The following LRP1B variants were observed in gnomAD, a reference collection of about 807,000 sequenced individuals.
LRP1B encodes LDL receptor related protein 1B, also known as low-density lipoprotein receptor-related protein 1B.
A neutral mutation model predicts 556.6 loss-of-function variants in LRP1B; 217 were observed. The ratio of observed to expected loss-of-function variants is 0.39; its 90% CI spans 0.35 to 0.44. LRP1B has a LOEUF of 0.44. Among genes scored for constraint, LRP1B ranks in the 20% least tolerant of loss-of-function variants. The probability of loss-of-function intolerance (pLI) is 1.00; values close to 1 mark genes in which losing one functional copy is unlikely to be tolerated. For missense variants in LRP1B, 5,053 were observed against 5,620.8 expected (o/e 0.90, Z 3.23); for synonymous variants, 2,047 against 1,865.8 (o/e 1.10, Z -2.50).
At chr2:140,457,790 A>G in intron 60 of LRP1B, 139 bp from the exon 61 acceptor site, 1 of 641,724 alleles carries the variant, frequency 1.6e-6, no homozygotes, top group South Asian at 2.4e-5. Context: ...CAGGCCAGCA[A>G]AGTTCTTTAT....
At chr2:141,772,731 A>G (rs990992431) in intron 2 of LRP1B, among the ~76,000 whole-genome samples, 3 of 152,202 alleles carry the variant, frequency 2.0e-5, no homozygotes, top group African/African-American at 7.2e-5. Context: ...TTCAGAGCAG[A>G]GTGATAAGAT....
chr2:141,508,319 C>T (rs963584150), intron 2 of LRP1B, among the ~76,000 whole-genome samples: 1 of 152,078 alleles, frequency 6.6e-6, no homozygotes. Context: ...GCTGTATGTT[C>T]ATCAGAAGGG....
At chr2:141,771,906 C>T (rs1694912454) in intron 2 of LRP1B, among the ~76,000 whole-genome samples, 1 of 152,052 alleles carries the variant, frequency 6.6e-6, no homozygotes, top group Non-Finnish European at 1.5e-5. Context: ...GTAATCTCTG[C>T]CTTCCTATTT....
At chr2:141,047,748 CA>C in intron 11 of LRP1B, among the ~76,000 whole-genome samples, 1 of 152,202 alleles carries the variant, frequency 6.6e-6, no homozygotes, top group East Asian at 1.9e-4. Flanking sequence ...GAACCTCCAG[CA>C]GCTTTCCATT....
chr2:140,285,623 G>T (rs1270320159), intron 84 of LRP1B, among the ~76,000 whole-genome samples: 1 of 151,592 alleles, frequency 6.6e-6, no homozygotes, highest in African/African-American at 2.4e-5. Flanking sequence ...GTAATAATCA[G>T]GTTCCCTCTG....
intron 6 of LRP1B, among the ~76,000 whole-genome samples, chr2:141,221,316 G>A (rs1470498063): frequency 1.3e-5 from 2 of 149,098 alleles, no homozygotes; most frequent in Non-Finnish European, 3.0e-5. Flanking sequence ...AAACCAAAGG[G>A]CATTACATAA....
At chr2:140,404,309 A>G (rs1383054343) in intron 66 of LRP1B, among the ~76,000 whole-genome samples, 3 of 149,974 alleles carry the variant, frequency 2.0e-5, no homozygotes, top group African/African-American at 7.4e-5. Context: ...CGAGTAGCTG[A>G]GACTTCAGGT....
At chr2:140,812,240 T>C (rs1391454341) in intron 32 of LRP1B, among the ~76,000 whole-genome samples, 1 of 152,092 alleles carries the variant, frequency 6.6e-6, no homozygotes, top group African/African-American at 2.4e-5. Flanking sequence ...AACTCTACTT[T>C]TCAAAAAGTA....
intron 3 of LRP1B, among the ~76,000 whole-genome samples, chr2:141,272,801 G>A (rs1685135911): frequency 6.6e-6 from 1 of 152,010 alleles, no homozygotes; most frequent in Non-Finnish European, 1.5e-5. Context: ...CAAAAAAATA[G>A]ACTCACAAAA....
intron 83 of LRP1B, among the ~76,000 whole-genome samples, chr2:140,304,351 C>G (rs1040468459): frequency 6.6e-6 from 1 of 152,144 alleles, no homozygotes; most frequent in South Asian, 2.1e-4. Flanking sequence ...GATCACCATT[C>G]TAACTAGTGT....
intron 1 of LRP1B, among the ~76,000 whole-genome samples, chr2:142,050,198 T>C (rs1704406911): frequency 6.6e-6 from 1 of 152,170 alleles, no homozygotes; most frequent in Non-Finnish European, 1.5e-5. Flanking sequence ...ATTTCATATA[T>C]AGTCATATGC....
At chr2:141,377,889 T>C (rs2104880601) in intron 3 of LRP1B, among the ~76,000 whole-genome samples, 1 of 152,298 alleles carries the variant, frequency 6.6e-6, no homozygotes, top group South Asian at 2.1e-4. Flanking sequence ...TATCACTAAA[T>C]GCCTCCTATA....
At chr2:140,399,101 A>G (rs1684381058) in intron 66 of LRP1B, among the ~76,000 whole-genome samples, 1 of 151,872 alleles carries the variant, frequency 6.6e-6, no homozygotes, top group Non-Finnish European at 1.5e-5. Flanking sequence ...TAACATTTCT[A>G]TTTGATCTTT....
At position 140,541,094 on chromosome 2, in the gene LRP1B, T is replaced by G. The variant is rs1680117504; in HGVS notation, c.7392A>C (p.Glu2464Asp). 6.2e-7 allele frequency: 1 copy of G among 1,608,054 alleles called. No individual in the cohort carries two copies. The highest frequency in any genetic ancestry group is 1.3e-5 in the African/African-American group (1 of 74,674). Residue 2464 changes from glutamate (E) to aspartate (D), a missense_variant, in exon 45 of 91, where the codon GAA (glutamate) becomes GAC (aspartate). Glu to Asp is a conservative substitution (Grantham distance 45). Coordinates refer to ENST00000389484, the MANE Select transcript of LRP1B (RefSeq NM_018557.3). ...CATTCAATAATGCACATGGAGAAAG[T>G]TCACCTACAATAAAGAGGGTGTATT... ...IAVANDTNSC[E>D]LSPCALLNGG...
At chr2:141,032,729 T>A (rs72975064) in intron 11 of LRP1B, among the ~76,000 whole-genome samples, 7,425 of 151,326 alleles carry the variant, frequency 0.049, 225 homozygotes, top group Middle Eastern at 0.071. Flanking sequence ...GCTTAGATTA[T>A]CTTTCATGTT....
intron 2 of LRP1B, among the ~76,000 whole-genome samples, chr2:141,639,745 G>A (rs549633630): frequency 5.9e-5 from 9 of 151,952 alleles, no homozygotes; most frequent in Non-Finnish European, 1.2e-4. Context: ...TTACAGTGAG[G>A]CATCCTCTTC....
chr2:140,245,276 A>T lies in LRP1B; in HGVS notation c.13324+1810T>A, dbSNP rs999487791. 2.0e-5 allele frequency among the ~76,000 whole-genome samples: 3 copies of T among 151,320 alleles called. No individual in the cohort carries two copies. The Admixed American group carries it at 2.0e-4, about 10-fold the overall frequency. Reference sequence around the variant, plus strand: ...TGCATGTAATTAAAACCAGTTTCTTACATTTGCCCATACAAATCGTTGGAG... The same window carrying T: ...TGCATGTAATTAAAACCAGTTTCTTTCATTTGCCCATACAAATCGTTGGAG... On this transcript the variant is annotated intron_variant, in intron 87 of 90. Coordinates refer to ENST00000389484, the MANE Select transcript of LRP1B (RefSeq NM_018557.3).
intron 1 of LRP1B, among the ~76,000 whole-genome samples, chr2:141,896,627 A>G (rs1462195682): frequency 1.3e-5 from 2 of 152,194 alleles, no homozygotes; most frequent in African/African-American, 4.8e-5. Context: ...ATGGTACCAG[A>G]ACAATCACAA....
At chr2:141,019,523 G>A (rs566968853) in intron 12 of LRP1B, among the ~76,000 whole-genome samples, 9 of 152,132 alleles carry the variant, frequency 5.9e-5, no homozygotes, top group African/African-American at 1.9e-4. Flanking sequence ...TTAATAAAAC[G>A]TCTGACCTCT....
Sources: allele counts gnomAD v4.1 joint callset (sites outside exome capture counted in the v4.1 genomes callset), GRCh38; gene constraint gnomAD v4.1.1; transcripts MANE v1.5; gene names NCBI Gene and HGNC (gene_info 2026-07-23, HGNC 2026-07-21).